The following SLC18B1 variants were observed in gnomAD, a reference collection of about 807,000 sequenced individuals.
The protein encoded by SLC18B1 is solute carrier family 18 member B1, also known as MFS-type transporter SLC18B1.
SLC18B1 carries 62 observed loss-of-function variants against 53.9 expected under a neutral mutation model. The ratio of observed to expected loss-of-function variants is 1.15; its 90% CI spans 0.94 to 1.42. The LOEUF (loss-of-function observed/expected upper bound fraction) is 1.42. Among genes scored for constraint, SLC18B1 ranks in the 40% most tolerant of loss-of-function variants. SLC18B1 has a pLI of 0.00. For synonymous variants in SLC18B1, 217 were observed against 200.9 expected (o/e 1.08, Z -0.68); for missense variants, 598 against 547.3 (o/e 1.09, Z -0.93).
intron 6 of SLC18B1, among the ~76,000 whole-genome samples, chr6:132,780,917 T>A (rs530156512): frequency 4.3e-4 from 66 of 152,196 alleles, no homozygotes; most frequent in Middle Eastern, 6.8e-3. Flanking sequence ...TCTGAGCACA[T>A]CCTTGATGCT....
At chr6:132,786,555 CAAAA>C (rs56886747) in intron 5 of SLC18B1, among the ~76,000 whole-genome samples, 2 of 78,614 alleles carry the variant, frequency 2.5e-5, no homozygotes, top group African/African-American at 4.5e-5. Flanking sequence ...TCCCCCACTC[CAAAA>C]AAAAAAAAAA....
intron 7 of SLC18B1, among the ~76,000 whole-genome samples, chr6:132,778,724 T>C (rs1402109017): frequency 6.6e-6 from 1 of 152,204 alleles, no homozygotes; most frequent in Non-Finnish European, 1.5e-5. Flanking sequence ...TTTTCAAAAA[T>C]ATCTAAGAAC....
intron 8 of SLC18B1, 40 bp from the exon 9 acceptor site, chr6:132,774,353 C>T (rs1476028959): frequency 2.7e-6 from 4 of 1,468,012 alleles, no homozygotes; most frequent in Non-Finnish European, 3.8e-6. Context: ...TTCTTAGAGG[C>T]AAAGACCCTC....
intron 7 of SLC18B1, 61 bp from the exon 8 acceptor site, chr6:132,776,490 C>A: frequency 8.4e-7 from 1 of 1,195,162 alleles, no homozygotes; most frequent in Non-Finnish European, 1.2e-6. Context: ...AAACATCCCT[C>A]TTTTCCCTCT....
At chr6:132,792,705 C>T (rs943304595) in intron 2 of SLC18B1, among the ~76,000 whole-genome samples, 6 of 152,168 alleles carry the variant, frequency 3.9e-5, no homozygotes, top group South Asian at 2.1e-4. Context: ...TTCCCATATT[C>T]GCTGTGGAAA....
At chr6:132,771,198 A>G (rs538427109) in intron 11 of SLC18B1, 69 bp from the exon 12 acceptor site, 6 of 1,365,584 alleles carry the variant, frequency 4.4e-6, no homozygotes, top group Non-Finnish European at 6.2e-6. Context: ...GAAAAGCTAC[A>G]TGATCCTTCA....
At chr6:132,776,524 C>A in intron 7 of SLC18B1, 95 bp from the exon 8 acceptor site, 1 of 804,550 alleles carries the variant, frequency 1.2e-6, no homozygotes, top group Non-Finnish European at 2.0e-6. Flanking sequence ...CTCTTATTAC[C>A]ATGAGTCTAC....
intron 7 of SLC18B1, 152 bp downstream of exon 7, chr6:132,779,116 C>T (rs973091256): frequency 6.9e-6 from 5 of 722,672 alleles, no homozygotes; most frequent in South Asian, 6.7e-5. Flanking sequence ...TTCACAGGGA[C>T]GGTAGAGAGG....
At chr6:132,779,789 G>C (rs937384168) in intron 6 of SLC18B1, among the ~76,000 whole-genome samples, 2 of 152,162 alleles carry the variant, frequency 1.3e-5, no homozygotes, top group East Asian at 3.9e-4. Flanking sequence ...ATAAAGGAAA[G>C]AGGTTTAATA....
intron 6 of SLC18B1, among the ~76,000 whole-genome samples, chr6:132,783,229 T>C (rs2114672849): frequency 6.6e-6 from 1 of 151,530 alleles, no homozygotes. Flanking sequence ...CAGGCTGGAG[T>C]GCAATGGTGC....
rs1307699554 is a variant in SLC18B1, at chr6:132,773,096, AGGGTTTT to A, written c.990-15_990-9del. On this transcript the variant is annotated splice_polypyrimidine_tract_variant and intron_variant, in intron 9 of 13. Transcript: ENST00000275227. ...ACCAGCAGCCAGAGCTGACTGCAAA[AGGGTTTT>A]GGAGAAAACAAATACAAAAAGAAAA... is the stretch of plus-strand genomic sequence containing the variant. 1 of 1,601,952 alleles carries A rather than the reference AGGGTTTT, an allele frequency of 6.2e-7. No individual in the cohort carries two copies. The highest frequency in any genetic ancestry group is 1.1e-5 in the South Asian group (1 of 90,762).
In SLC18B1 at chr6:132,774,307, T is replaced by C. The variant is rs780228424; in HGVS notation, c.904A>G (p.Arg302Gly). 2 of 1,612,104 alleles carry C rather than the reference T, an allele frequency of 1.2e-6. No homozygotes were observed. The highest frequency in any genetic ancestry group is 1.7e-6 in the Non-Finnish European group (2 of 1,178,782). Reference sequence around the variant, plus strand: ...TTGCCAAACACCAGAAGCCATTTCCTTAGAGGCTGGTAAAGGAGAAAGAGA... The same window carrying C: ...TTGCCAAACACCAGAAGCCATTTCCCTAGAGGCTGGTAAAGGAGAAAGAGA... The part of the protein sequence containing the change: ...GLLSDKRPPL[R>G]KWLLVFGNLI... The change falls in exon 9 of 14, where the codon AGG becomes GGG. Residue 302 changes from arginine (R) to glycine (G), a missense_variant. By Grantham distance (125) the Arg-to-Gly change is moderately radical. Coordinates refer to ENST00000275227, the MANE Select transcript of SLC18B1 (RefSeq NM_052831.3).
At chr6:132,790,152 A>G in intron 3 of SLC18B1, 25 bp downstream of exon 3, 1 of 1,473,664 alleles carries the variant, frequency 6.8e-7, no homozygotes, top group Non-Finnish European at 9.1e-7. Context: ...AAAAATTAAG[A>G]TGTGCATATG....
chr6:132,791,758 T>C (rs1781529076), intron 2 of SLC18B1, among the ~76,000 whole-genome samples: 1 of 152,112 alleles, frequency 6.6e-6, no homozygotes. Flanking sequence ...CATGTACTAA[T>C]AACCACAGGA....
chr6:132,792,291 G>GAAAGAAAGAAA lies in SLC18B1; in HGVS notation c.184-2020_184-2019insTTTCTTTCTTT, dbSNP rs1562271470. On this transcript the variant is annotated intron_variant, in intron 2 of 13. Coordinates refer to ENST00000275227, the MANE Select transcript of SLC18B1 (RefSeq NM_052831.3). ...AGAAAGAAAGAAAGAAAGGAAGAAA[G>GAAAGAAAGAAA]GAAGGAAGGAAGGAAGGAAGGAAGG... is the stretch of plus-strand genomic sequence containing the variant. 3.3e-4 allele frequency among the ~76,000 whole-genome samples: 22 copies of GAAAGAAAGAAA among 67,046 alleles called. 2 individuals are homozygous for GAAAGAAAGAAA. The highest frequency in any genetic ancestry group is 2.1e-3 in the African/African-American group (22 of 10,308). The allele number at this position is 67,046 out of a possible 152,430, so 44.0% of individuals were successfully genotyped here.
rs9493439 is a variant in SLC18B1, at chr6:132,779,549, C to T, written c.659-145G>A. The T allele has an allele frequency of 5.4e-3, 4,319 of 802,078 alleles. 140 individuals carry two copies. The African/African-American group carries it at 0.068, about 13-fold the overall frequency. 49.7% of individuals were successfully genotyped at this position (802,078 alleles called of 1,614,324 possible). A position where few individuals can be genotyped will look rare whatever the true frequency, so the allele number is the denominator to read the frequency against. ...GAGTTTGCCTAAAATTGTATACCAT[C>T]TATACTTGCATATAAATTATTCAAA... On this transcript the variant is annotated intron_variant, in intron 6 of 13. Coordinates refer to ENST00000275227, the MANE Select transcript of SLC18B1 (RefSeq NM_052831.3).
At chr6:132,796,161 A>G (rs953986542) in intron 2 of SLC18B1, among the ~76,000 whole-genome samples, 8 of 151,084 alleles carry the variant, frequency 5.3e-5, no homozygotes, top group Non-Finnish European at 1.0e-4. Flanking sequence ...ATCCTGGCTA[A>G]CACGGTGAAA....
At chr6:132,776,795 T>C (rs989989415) in intron 7 of SLC18B1, among the ~76,000 whole-genome samples, 2 of 152,210 alleles carry the variant, frequency 1.3e-5, no homozygotes, top group African/African-American at 4.8e-5. Context: ...GGTTTCTGAT[T>C]CAGAAAAAGA....
intron 5 of SLC18B1, among the ~76,000 whole-genome samples, chr6:132,785,675 G>A (rs73550476): frequency 3.7e-4 from 57 of 152,246 alleles, no homozygotes; most frequent in African/African-American, 1.2e-3. Flanking sequence ...CCAATGGATT[G>A]TTACCATTAT....
Sources: gnomAD v4.1 joint callset for allele counts (sites outside exome capture counted in the v4.1 genomes callset) on GRCh38, gnomAD v4.1.1 for gene constraint, MANE v1.5 for transcripts, NCBI Gene and HGNC (gene_info 2026-07-23, HGNC 2026-07-21) for gene names.